PKNOX2: variants seen among roughly 807,000 people sequenced by gnomAD.
PKNOX2 encodes the protein homeobox protein PKNOX2.
In PKNOX2, 14 loss-of-function variants were observed where a neutral mutation model predicts 53.1. That is an observed-to-expected ratio of 0.26 (90% CI 0.17 to 0.41). PKNOX2 has a LOEUF of 0.41. PKNOX2 is among the 10% of genes least tolerant of loss of function. The pLI, the probability that PKNOX2 is intolerant of heterozygous loss-of-function variation, is 1.00. For synonymous variants in PKNOX2, 257 were observed against 242.8 expected (o/e 1.06, Z -0.54); for missense variants, 496 against 602.8 (o/e 0.82, Z 1.85).
In PKNOX2 at chr11:125,411,826, C is replaced by T. The variant is rs200326885; in HGVS notation, c.897C>T (p.Ala299=). 1.2e-6 allele frequency: 2 copies of T among 1,614,154 alleles called. No homozygotes were observed. Among genetic ancestry groups the T allele is most frequent in the East Asian group, 4.5e-5 (2 of 44,868 alleles). Residue 299 remains alanine (A), a synonymous_variant, in exon 10 of 13, where the codon GCC becomes GCT. Transcript: ENST00000298282. ...KNKRGVLPKH[A]TNIMRSWLFQ... is the part of the protein sequence containing the mutation. ...AACGAGGAGTCTTGCCCAAGCATGC[C>T]ACCAATATAATGCGTTCTTGGCTCT...
At chr11:125,409,655 G>A (rs1326114746) in intron 7 of PKNOX2, among the ~76,000 whole-genome samples, 2 of 152,172 alleles carry the variant, frequency 1.3e-5, no homozygotes, top group African/African-American at 4.8e-5. Flanking sequence ...GGTGTGTGGA[G>A]AGCAGCCGGG....
chr11:125,405,388 C>T (rs1029284597), intron 7 of PKNOX2, among the ~76,000 whole-genome samples: 3 of 152,196 alleles, frequency 2.0e-5, no homozygotes, highest in African/African-American at 4.8e-5. Context: ...TTGAGTTTCC[C>T]AGGGCAGTTC....
chr11:125,317,568 C>T (rs1159740384), intron 2 of PKNOX2, among the ~76,000 whole-genome samples: 8 of 152,194 alleles, frequency 5.3e-5, no homozygotes, highest in African/African-American at 1.2e-4. Context: ...TGGGTAATCA[C>T]GTGCATTGCC....
At chr11:125,262,540 G>A (rs1195897093) in intron 2 of PKNOX2, among the ~76,000 whole-genome samples, 6 of 151,960 alleles carry the variant, frequency 3.9e-5, no homozygotes, top group Non-Finnish European at 8.8e-5. Context: ...GGGATGGCAG[G>A]AGATGCCTCC....
At chr11:125,405,259 T>C (rs1336533125) in intron 7 of PKNOX2, among the ~76,000 whole-genome samples, 1 of 146,346 alleles carries the variant, frequency 6.8e-6, no homozygotes, top group African/African-American at 2.8e-5. Context: ...AAATTCCACC[T>C]ATTTCAAAAC....
chr11:125,265,562 G>T (rs951372821), intron 2 of PKNOX2, among the ~76,000 whole-genome samples: 7 of 152,094 alleles, frequency 4.6e-5, no homozygotes, highest in African/African-American at 1.7e-4. Flanking sequence ...CTCTGCTGCC[G>T]CCTCACCCTG....
chr11:125,429,245 G>A (rs1012653518), intron 11 of PKNOX2, among the ~76,000 whole-genome samples, 157 bp downstream of exon 11: 5 of 152,216 alleles, frequency 3.3e-5, no homozygotes, highest in African/African-American at 7.2e-5. Context: ...GAAGCAGAAA[G>A]CAAGAATCAA....
rs1387010233 is a variant in PKNOX2, at chr11:125,370,609, A to G, written c.227+2624A>G. On this transcript the variant is annotated intron_variant, in intron 5 of 12. Coordinates refer to ENST00000298282, the MANE Select transcript of PKNOX2 (RefSeq NM_001382323.2). This position sits in a 1 kb window ranked among gnomAD's most constrained non-coding sequence, Gnocchi z 4.1. ...CTCAGGACACCGAGCTGACAGCAGCACCATGCTGGCTTCCCATCTCTCTAG... is the reference window on the plus strand; with the variant it reads ...CTCAGGACACCGAGCTGACAGCAGCGCCATGCTGGCTTCCCATCTCTCTAG... 6.6e-6 allele frequency among the ~76,000 whole-genome samples: 1 copy of G among 152,228 alleles called. No individual in the cohort carries two copies. The highest frequency in any genetic ancestry group is 2.4e-5 in the African/African-American group (1 of 41,450).
chr11:125,430,740 T>A (rs1012043458), intron 12 of PKNOX2, among the ~76,000 whole-genome samples: 21 of 139,302 alleles, frequency 1.5e-4, no homozygotes, highest in African/African-American at 5.5e-4. Context: ...TGATGAGCCA[T>A]CTTATGGGTT....
chr11:125,279,582 T>C (rs972965495), intron 2 of PKNOX2, among the ~76,000 whole-genome samples: 8 of 152,328 alleles, frequency 5.3e-5, no homozygotes, highest in African/African-American at 1.9e-4. Flanking sequence ...CCCCAGCATC[T>C]GAGGGGCATC....
At chr11:125,257,383 G>A (rs956333304) in intron 2 of PKNOX2, among the ~76,000 whole-genome samples, 5 of 152,256 alleles carry the variant, frequency 3.3e-5, no homozygotes, top group Middle Eastern at 3.4e-3. Context: ...GGTCAAACCC[G>A]CCTCCAGTGG....
intron 2 of PKNOX2, among the ~76,000 whole-genome samples, chr11:125,313,453 A>G (rs117389729): frequency 6.6e-6 from 1 of 152,194 alleles, no homozygotes; most frequent in Admixed American, 6.5e-5. Context: ...ACTCATCTTT[A>G]TTCCCCTCAA....
At chr11:125,310,303 T>A (rs1346010078) in intron 2 of PKNOX2, among the ~76,000 whole-genome samples, 1 of 152,068 alleles carries the variant, frequency 6.6e-6, no homozygotes, top group Non-Finnish European at 1.5e-5. Context: ...GAGACCAGCC[T>A]GAGCAACATG....
intron 2 of PKNOX2, among the ~76,000 whole-genome samples, chr11:125,305,953 T>G (rs1309023580): frequency 6.6e-6 from 1 of 152,212 alleles, no homozygotes; most frequent in African/African-American, 2.4e-5. Context: ...ATTAGTCCTT[T>G]TTAAAAGCCA....
chr11:125,364,140 C>T (rs1952065629), intron 4 of PKNOX2, among the ~76,000 whole-genome samples: 1 of 152,208 alleles, frequency 6.6e-6, no homozygotes, highest in African/African-American at 2.4e-5. Flanking sequence ...ATCCTCCTGG[C>T]CCCCAAGCCC....
intron 5 of PKNOX2, among the ~76,000 whole-genome samples, chr11:125,382,098 G>A (rs1382953934): frequency 6.6e-6 from 1 of 152,122 alleles, no homozygotes; most frequent in Non-Finnish European, 1.5e-5. Flanking sequence ...CACCATCCCT[G>A]TACACATACA....
intron 3 of PKNOX2, among the ~76,000 whole-genome samples, chr11:125,337,885 A>G (rs1308383546): frequency 6.6e-6 from 1 of 151,832 alleles, no homozygotes; most frequent in African/African-American, 2.4e-5. Flanking sequence ...AAGTTTCCTT[A>G]TTTGTCTCGG....
intron 2 of PKNOX2, among the ~76,000 whole-genome samples, chr11:125,244,380 C>G (rs1234318531): frequency 6.6e-6 from 1 of 152,174 alleles, no homozygotes; most frequent in African/African-American, 2.4e-5. Context: ...AGTTCTCCAC[C>G]TGGGGATGCA....
chr11:125,172,514 G>C (rs143595959), intron 1 of PKNOX2, among the ~76,000 whole-genome samples: 35 of 152,262 alleles, frequency 2.3e-4, no homozygotes, highest in African/African-American at 7.7e-4. Flanking sequence ...GGAGAGAAAG[G>C]GGGGACTGGT....
Sources: allele counts gnomAD v4.1 joint callset (sites outside exome capture counted in the v4.1 genomes callset), GRCh38; gene constraint gnomAD v4.1.1; non-coding constraint Gnocchi (gnomAD v3.1); transcripts MANE v1.5; gene names NCBI Gene and HGNC (gene_info 2026-07-23, HGNC 2026-07-21).